The following ADCK1 variants were observed in gnomAD, a reference collection of about 807,000 sequenced individuals.
ADCK1 encodes aarF domain containing kinase 1.
A neutral mutation model predicts 52.3 loss-of-function variants in ADCK1; 41 were observed. That is an observed-to-expected ratio of 0.78 (90% CI 0.61 to 1.02). The LOEUF is 1.02. ADCK1 is among the 50% of genes least tolerant of loss of function. The pLI, the probability that ADCK1 is intolerant of heterozygous loss-of-function variation, is 0.00. For synonymous variants in ADCK1, 250 were observed against 274.6 expected, an observed-to-expected ratio of 0.91 and a Z score of 0.89; for missense variants, 658 against 679.5, an observed-to-expected ratio of 0.97 and a Z score of 0.35.
chr14:77,911,095 C>T (rs931936127), intron 7 of ADCK1, among the ~76,000 whole-genome samples: 1 of 152,148 alleles, frequency 6.6e-6, no homozygotes, highest in African/African-American at 2.4e-5. Context: ...CTAATATGTG[C>T]CAGGCATATG....
At chr14:77,839,179 G>A (rs142176884) in intron 3 of ADCK1, among the ~76,000 whole-genome samples, 14 of 152,288 alleles carry the variant, frequency 9.2e-5, no homozygotes, top group African/African-American at 3.1e-4. Context: ...GGGCTCTCTC[G>A]CATGATGTTT....
chr14:77,868,083 C>T (rs2140158648), intron 4 of ADCK1, among the ~76,000 whole-genome samples: 1 of 152,330 alleles, frequency 6.6e-6, no homozygotes, highest in Admixed American at 6.5e-5. Flanking sequence ...CAAATACTGA[C>T]TCTGTTTGTT....
intron 5 of ADCK1, among the ~76,000 whole-genome samples, chr14:77,891,915 TG>T (rs1319222430): frequency 6.6e-6 from 1 of 152,230 alleles, no homozygotes; most frequent in East Asian, 1.9e-4. Flanking sequence ...GAGACCTAAA[TG>T]GTGTCTTATA....
intron 3 of ADCK1, among the ~76,000 whole-genome samples, chr14:77,836,402 T>C (rs1323347499): frequency 6.6e-6 from 1 of 152,386 alleles, no homozygotes; most frequent in South Asian, 2.1e-4. Flanking sequence ...ATTTAATTTT[T>C]ACAGTAGCCC....
chr14:77,827,986 GC>G (rs1416053017), intron 3 of ADCK1: 2 of 290,868 alleles, frequency 6.9e-6, no homozygotes, highest in Non-Finnish European at 1.3e-5. Context: ...GTGCCACCAT[GC>G]CCGGATAATT....
At chr14:77,889,459 T>G (rs1182516819) in intron 5 of ADCK1, among the ~76,000 whole-genome samples, 1 of 152,246 alleles carries the variant, frequency 6.6e-6, no homozygotes, top group Non-Finnish European at 1.5e-5. Flanking sequence ...GACAACTATT[T>G]ATCAGTCAGG....
At chr14:77,872,128 A>T (rs994303778) in intron 4 of ADCK1, among the ~76,000 whole-genome samples, 2 of 152,180 alleles carry the variant, frequency 1.3e-5, no homozygotes, top group Admixed American at 1.3e-4. Context: ...CCTGGGCATG[A>T]ATTAGATGTT....
chr14:77,892,822 G>C (rs1351259200), intron 5 of ADCK1, among the ~76,000 whole-genome samples: 2 of 152,170 alleles, frequency 1.3e-5, no homozygotes, highest in Non-Finnish European at 2.9e-5. Context: ...CAAACTTGGG[G>C]TTGTGTTAGC....
In ADCK1 at chr14:77,889,300, T is replaced by C. The variant is rs138888862; in HGVS notation, c.582+2051T>C. Among the ~76,000 whole-genome samples, 70 of 151,200 alleles carry C rather than the reference T, an allele frequency of 4.6e-4. No individual in the cohort carries two copies. The East Asian group carries it at 0.012, about 25-fold the overall frequency. On this transcript the variant is annotated intron_variant, in intron 5 of 10. Coordinates refer to ENST00000238561, the MANE Select transcript of ADCK1 (RefSeq NM_020421.4). ...TAAATTATGCATAGTAAGAGACTAA[T>C]AAAATATAATTATAACATATAATTA...
At chr14:77,821,626 A>T (rs570713679) in intron 2 of ADCK1, among the ~76,000 whole-genome samples, 3 of 152,102 alleles carry the variant, frequency 2.0e-5, no homozygotes, top group Non-Finnish European at 4.4e-5. Flanking sequence ...CATGCCTGTA[A>T]TCCCAGCACT....
At position 77,893,654 on chromosome 14, in the gene ADCK1, A is replaced by G. The variant is rs190489105; in HGVS notation, c.583-5446A>G. 7.1e-3 allele frequency among the ~76,000 whole-genome samples: 1,077 copies of G among 151,816 alleles called. 44 individuals carry two copies. Among genetic ancestry groups the G allele is most frequent in the Admixed American group, 0.066 (1,002 of 15,240 alleles). On this transcript the variant is annotated intron_variant, in intron 5 of 10. Coordinates refer to ENST00000238561, the MANE Select transcript of ADCK1 (RefSeq NM_020421.4). ...CAAGGGTCTCAAAAAGTGAAAACCC[A>G]TGGCAGTCATGTTTTTGACCTTTTC...
At chr14:77,857,054 T>A (rs1425996949) in intron 3 of ADCK1, among the ~76,000 whole-genome samples, 1 of 151,200 alleles carries the variant, frequency 6.6e-6, no homozygotes, top group Non-Finnish European at 1.5e-5. Context: ...GGCCTGCTAG[T>A]GCCTGGAGTC....
chr14:77,821,532 C>G (rs941765542), intron 2 of ADCK1, among the ~76,000 whole-genome samples: 1 of 151,954 alleles, frequency 6.6e-6, no homozygotes, highest in African/African-American at 2.4e-5. Flanking sequence ...CCTAGGATAT[C>G]GTGGAGATTG....
intron 6 of ADCK1, chr14:77,902,588 A>T (rs1385371934): frequency 6.6e-6 from 1 of 152,154 alleles, no homozygotes; most frequent in Non-Finnish European, 1.5e-5. Context: ...CTGGGAGCTG[A>T]GGTTTGTCCC....
Position 77,818,920 on chromosome 14 carries a change from A to G in ADCK1, c.-11-48A>G, listed in dbSNP as rs552454696. 10 of 1,598,738 alleles carry G rather than the reference A, an allele frequency of 6.3e-6. No individual in the cohort carries two copies. The African/African-American group carries it at 6.7e-5, about 11-fold the overall frequency. ...GATTTGAACTTCAGTTTGACTAACT[A>G]TGAAACTTTTAACTGCTATTCTTTC... On this transcript the variant is annotated intron_variant, in intron 1 of 10. Coordinates refer to ENST00000238561, the MANE Select transcript of ADCK1 (RefSeq NM_020421.4).
chr14:77,832,136 C>G (rs1413964050), intron 3 of ADCK1, among the ~76,000 whole-genome samples: 2 of 152,152 alleles, frequency 1.3e-5, no homozygotes, highest in East Asian at 1.9e-4. Flanking sequence ...TGCCACCATG[C>G]CTGGCTAATT....
intron 7 of ADCK1, among the ~76,000 whole-genome samples, chr14:77,918,477 G>A (rs994640929): frequency 3.3e-5 from 5 of 152,146 alleles, no homozygotes; most frequent in Admixed American, 6.5e-5. Context: ...AGATGCCACC[G>A]TTCACAGGGC....
At chr14:77,816,901 T>C (rs2081465533) in intron 1 of ADCK1, among the ~76,000 whole-genome samples, 2 of 145,940 alleles carry the variant, frequency 1.4e-5, no homozygotes, top group African/African-American at 4.9e-5. Flanking sequence ...TATATATATA[T>C]ATTTAAAAAA....
intron 4 of ADCK1, among the ~76,000 whole-genome samples, chr14:77,884,401 C>G (rs960839395): frequency 6.6e-6 from 1 of 152,146 alleles, no homozygotes; most frequent in African/African-American, 2.4e-5. Context: ...CCCTTCCATT[C>G]CTGGGTCCCT....
Sources: gnomAD v4.1 joint callset for allele counts (sites outside exome capture counted in the v4.1 genomes callset) on GRCh38, gnomAD v4.1.1 for gene constraint, MANE v1.5 for transcripts, NCBI Gene and HGNC (gene_info 2026-07-23, HGNC 2026-07-21) for gene names.